Variants in TRIM36 observed in about 807,000 individuals in gnomAD.
The protein encoded by TRIM36 is E3 ubiquitin-protein ligase TRIM36.
TRIM36 carries 42 observed loss-of-function variants against 72.4 expected under a neutral mutation model. That is an observed-to-expected ratio of 0.58 (90% confidence interval 0.45 to 0.75). The LOEUF is 0.75. Among genes scored for constraint, TRIM36 ranks in the 30% least tolerant of loss-of-function variants. The pLI is 0.00. For missense variants in TRIM36, 913 were observed against 857.1 expected (o/e 1.07, Z -0.81); for synonymous variants, 315 against 282.8 (o/e 1.11, Z -1.14).
chr5:115,172,005 C>G (rs1755136358), upstream of TRIM36, among the ~76,000 whole-genome samples: 1 of 152,140 alleles, frequency 6.6e-6, no homozygotes, highest in African/African-American at 2.4e-5. Context: ...ACTTTCTAAG[C>G]CTAATTCTTT....
upstream of TRIM36, among the ~76,000 whole-genome samples, chr5:115,173,766 T>C (rs576850654): frequency 6.6e-6 from 1 of 152,330 alleles, no homozygotes; most frequent in South Asian, 2.1e-4. Context: ...CCTCCGCAGT[T>C]TGGAGTATCC....
intron 8 of TRIM36, 77 bp from the exon 9 acceptor site, chr5:115,130,966 C>G: frequency 6.8e-7 from 1 of 1,469,202 alleles, no homozygotes; most frequent in Non-Finnish European, 9.1e-7. Context: ...GGTTTTCTTA[C>G]AGAAATTACT....
chr5:115,169,352 G>A (rs573989924), intron 1 of TRIM36, among the ~76,000 whole-genome samples: 1 of 152,352 alleles, frequency 6.6e-6, no homozygotes, highest in Admixed American at 6.5e-5. Flanking sequence ...AGGTGCTCAG[G>A]TGGGCAACCA....
intron 2 of TRIM36, among the ~76,000 whole-genome samples, chr5:115,161,327 T>C (rs1192140911): frequency 6.6e-6 from 1 of 152,190 alleles, no homozygotes; most frequent in African/African-American, 2.4e-5. Flanking sequence ...TAATAAGGCA[T>C]AGAACTTCAG....
intron 2 of TRIM36, among the ~76,000 whole-genome samples, 167 bp from the exon 3 acceptor site, chr5:115,147,561 C>T (rs1260852289): frequency 6.6e-6 from 1 of 152,084 alleles, no homozygotes; most frequent in East Asian, 1.9e-4. Flanking sequence ...AAAAATTTTT[C>T]CTTAGTATAC....
chr5:115,132,550 GAAA>G (rs11290682), intron 8 of TRIM36, among the ~76,000 whole-genome samples: 44 of 110,858 alleles, frequency 4.0e-4, no homozygotes, highest in African/African-American at 1.2e-3. Context: ...CCTCCAAAAA[GAAA>G]AAAAAAAAAA....
At chr5:115,146,677 T>C (rs1005045069) in intron 3 of TRIM36, among the ~76,000 whole-genome samples, 3 of 152,176 alleles carry the variant, frequency 2.0e-5, no homozygotes, top group African/African-American at 7.2e-5. Context: ...GCAACAAAAA[T>C]ATGTTTCGCA....
At position 115,135,831 on chromosome 5, in the gene TRIM36, T is replaced by A. The variant is rs181607302; in HGVS notation, c.1210+1169A>T. 3.3e-3 allele frequency among the ~76,000 whole-genome samples: 497 copies of A among 152,338 alleles called. 1 individual carries two copies. Among genetic ancestry groups the A allele is most frequent in the African/African-American group, 0.011 (457 of 41,586 alleles). ...AGTAAGTAAGTATCAGATTCAGGTA[T>A]AGATTTGAAAAGGAGGTCACAGTAA... On this transcript the variant is annotated intron_variant, in intron 7 of 9. Coordinates refer to ENST00000513154, the MANE Select transcript of TRIM36 (RefSeq NM_001300759.2).
chr5:115,152,703 C>T (rs1424371831), intron 2 of TRIM36, among the ~76,000 whole-genome samples: 1 of 152,072 alleles, frequency 6.6e-6, no homozygotes, highest in Non-Finnish European at 1.5e-5. Context: ...GGGATTGGGG[C>T]CCTATCTTCA....
At chr5:115,170,210 AGGGCAGC>A (rs1561450053), upstream of TRIM36, among the ~76,000 whole-genome samples, 1 of 143,106 alleles carries the variant, frequency 7.0e-6, no homozygotes, top group African/African-American at 2.5e-5. Flanking sequence ...AACGGAAGTG[AGGGCAGC>A]GGGGAGCGGT....
intron 4 of TRIM36, among the ~76,000 whole-genome samples, chr5:115,142,949 G>A (rs1753353858): frequency 6.6e-6 from 1 of 152,062 alleles, no homozygotes; most frequent in East Asian, 1.9e-4. Flanking sequence ...GGCAAACCAA[G>A]AACCCTAGGG....
rs761336358 is a variant in TRIM36 at position 115,163,650 on chromosome 5, A to G, written c.130T>C (p.Cys44Arg). ...LPCQHSICHK[C>R]VKELLLTLDD... ...AGAGTCAGCAGGAGTTCTTTTACAC[A>G]TTTATGACAGATACTATGTTGGCAA... The change falls in exon 2 of 10, where the codon TGT becomes CGT. Residue 44 changes from cysteine (C) to arginine (R), a missense_variant. Cys to Arg is a radical substitution (Grantham distance 180, BLOSUM62 -3). Coordinates refer to ENST00000513154, the MANE Select transcript of TRIM36 (RefSeq NM_001300759.2). The G allele has an allele frequency of 6.2e-7, 1 of 1,614,156 alleles. No homozygotes were observed. Among genetic ancestry groups the G allele is most frequent in the Non-Finnish European group, 8.5e-7 (1 of 1,180,036 alleles).
In TRIM36 at chr5:115,130,730, C is replaced by G; in HGVS notation, c.1658G>C (p.Gly553Ala). The G allele has an allele frequency of 6.2e-7, 1 of 1,614,112 alleles. No individual in the cohort carries two copies. The highest frequency in any genetic ancestry group is 1.3e-5 in the African/African-American group (1 of 75,032). The change falls in exon 9 of 10, where the codon GGA becomes GCA. Residue 553 changes from glycine (G) to alanine (A), a missense_variant. Transcript: ENST00000513154. ...TTTTCCTTTTGTAATGCCAGTATCTCCAATGATGTAGTCTAAGCTTGTGTA... is the reference window on the plus strand; with the variant it reads ...TTTTCCTTTTGTAATGCCAGTATCTGCAATGATGTAGTCTAAGCTTGTGTA... The part of the protein sequence containing the change: ...GYYTSLDYII[G>A]DTGITKGKHF...
At chr5:115,147,534 A>G (rs992170348) in intron 2 of TRIM36, 140 bp from the exon 3 acceptor site, 3 of 1,043,880 alleles carry the variant, frequency 2.9e-6, no homozygotes, top group East Asian at 5.2e-5. Flanking sequence ...TGAAATTTGT[A>G]TTGTGAAAAT....
chr5:115,128,758 C>CAAAAAAAAAAAAA (rs58384978), intron 9 of TRIM36, among the ~76,000 whole-genome samples: 62 of 47,010 alleles, frequency 1.3e-3, no homozygotes, highest in African/African-American at 2.3e-3. Flanking sequence ...GACTCCGTCT[C>CAAAAAAAAAAAAA]AAAAAAAAAA....
chr5:115,178,809 A>G (rs1411386574), intron 1 of TRIM36, among the ~76,000 whole-genome samples: 1 of 152,208 alleles, frequency 6.6e-6, no homozygotes, highest in Admixed American at 6.5e-5. Context: ...GTAGAACAAG[A>G]GAATTCAGAG....
At chr5:115,173,216 T>C (rs548056074), upstream of TRIM36, among the ~76,000 whole-genome samples, 3 of 152,304 alleles carry the variant, frequency 2.0e-5, no homozygotes, top group East Asian at 5.8e-4. Flanking sequence ...TTTGTTTGCT[T>C]GCTTTTTATC....
chr5:115,169,079 T>C (rs2126944973), intron 1 of TRIM36: 1 of 152,862 alleles, frequency 6.5e-6, no homozygotes, highest in East Asian at 1.9e-4. Flanking sequence ...GAATTGCACA[T>C]TCGACACCTT....
At chr5:115,140,031 G>A (rs1753191854) in intron 5 of TRIM36, among the ~76,000 whole-genome samples, 1 of 152,174 alleles carries the variant, frequency 6.6e-6, no homozygotes, top group Middle Eastern at 3.2e-3. Flanking sequence ...TGTTGAGACA[G>A]TCTGTCACTT....
Sources: allele counts gnomAD v4.1 joint callset (sites outside exome capture counted in the v4.1 genomes callset), GRCh38; gene constraint gnomAD v4.1.1; transcripts MANE v1.5; gene names NCBI Gene and HGNC (gene_info 2026-07-23, HGNC 2026-07-21).